ZNF493: variants seen among roughly 807,000 people sequenced by gnomAD.
ZNF493 encodes the protein zinc finger protein 493.
Under a neutral mutation model 12.2 loss-of-function variants are expected in ZNF493, and 11 were observed. That is an observed-to-expected ratio of 0.90 (90% confidence interval 0.57 to 1.50). ZNF493 has a LOEUF of 1.50. Ranked by LOEUF, ZNF493 falls within the 40% of genes most tolerant of loss-of-function variation. The probability of loss-of-function intolerance (pLI) is 0.00; values close to 1 mark genes in which losing one functional copy is unlikely to be tolerated. For synonymous variants in ZNF493, 286 were observed against 302.6 expected (o/e 0.95, Z 0.57); for missense variants, 950 against 906.6 (o/e 1.05, Z -0.61).
chr19:21,400,058 A>G (rs1464059096), intron 1 of ZNF493, among the ~76,000 whole-genome samples: 1 of 152,176 alleles, frequency 6.6e-6, no homozygotes. Flanking sequence ...AATTAATAGA[A>G]TAAGACATTT....
rs375871131 is a variant in ZNF493 at position 21,405,214 on chromosome 19, G to A, written c.116G>A (p.Arg39Lys). 1.9e-6 allele frequency: 3 copies of A among 1,613,860 alleles called. No individual in the cohort carries two copies. The highest frequency in any genetic ancestry group is 2.7e-5 in the African/African-American group (2 of 74,910). Residue 39 changes from arginine (R) to lysine (K), a missense_variant, in exon 2 of 4, where the codon AGG becomes AAG. Arg to Lys is a conservative substitution (Grantham distance 26, BLOSUM62 2). Transcript: ENST00000392288. ...CLDTAQQDLY[R>K]KVMLENYRNL... ...GACACTGCTCAGCAGGATTTGTATAGGAAAGTGATGTTAGAGAACTACAGA... is the reference window on the plus strand; with the variant it reads ...GACACTGCTCAGCAGGATTTGTATAAGAAAGTGATGTTAGAGAACTACAGA...
chr19:21,424,220 G>A lies in ZNF493; in HGVS notation c.1561G>A (p.Glu521Lys). Residue 521 changes from glutamate to lysine, a missense_variant, in exon 4 of 4, where the codon GAA (glutamate) becomes AAA (lysine). Transcript: ENST00000392288. ...HTGEKPYKCE[E>K]CGKAFKRSST... ...TGGAGAAAAACCCTACAAATGTGAA[G>A]AATGTGGCAAAGCTTTTAAACGATC... is the stretch of plus-strand genomic sequence containing the variant. 3 of 1,612,538 alleles carry A rather than the reference G, an allele frequency of 1.9e-6. No homozygotes were observed. Among genetic ancestry groups the A allele is most frequent in the Non-Finnish European group, 2.5e-6 (3 of 1,179,002 alleles).
chr19:21,405,608 A>G (rs1296438639), intron 2 of ZNF493, 153 bp from the exon 3 acceptor site: 1 of 1,106,488 alleles, frequency 9.0e-7, no homozygotes, highest in African/African-American at 1.6e-5. Context: ...AATTTAAAAT[A>G]TTTTCTAAAT....
intron 1 of ZNF493, among the ~76,000 whole-genome samples, chr19:21,402,372 A>G (rs1392226028): frequency 2.6e-5 from 4 of 152,304 alleles, no homozygotes; most frequent in South Asian, 4.1e-4. Flanking sequence ...CATTGTTCCA[A>G]GGTTATAATC....
chr19:21,421,833 T>C (rs2030687701), intron 3 of ZNF493, among the ~76,000 whole-genome samples: 1 of 152,196 alleles, frequency 6.6e-6, no homozygotes, highest in African/African-American at 2.4e-5. Flanking sequence ...GTTTATTTTT[T>C]AGTTAAAGGA....
At chr19:21,404,595 T>A (rs547311642) in intron 1 of ZNF493, among the ~76,000 whole-genome samples, 1 of 152,284 alleles carries the variant, frequency 6.6e-6, no homozygotes, top group South Asian at 2.1e-4. Context: ...AAAAATTGAG[T>A]AAAACACAGG....
chr19:21,401,133 A>G (rs2029931284), intron 1 of ZNF493, among the ~76,000 whole-genome samples: 1 of 152,186 alleles, frequency 6.6e-6, no homozygotes, highest in South Asian at 2.1e-4. Context: ...TGTACCTCCA[A>G]TGCCTAGTTT....
chr19:21,413,679 G>T, intron 3 of ZNF493: 1 of 405,212 alleles, frequency 2.5e-6, no homozygotes, highest in South Asian at 1.1e-4. Context: ...ATCAGCTGTT[G>T]ATTTTGGCCT....
At chr19:21,399,230 G>A (rs760089094) in intron 1 of ZNF493, among the ~76,000 whole-genome samples, 25 of 151,030 alleles carry the variant, frequency 1.7e-4, no homozygotes, top group Non-Finnish European at 2.9e-4. Context: ...GCCCGATCTC[G>A]GCTCGCTGAA....
intron 3 of ZNF493, among the ~76,000 whole-genome samples, chr19:21,410,635 C>T (rs141486954): frequency 2.2e-4 from 34 of 151,478 alleles, no homozygotes; most frequent in African/African-American, 7.0e-4. Flanking sequence ...TCTTAATGTG[C>T]GGAAATTTTC....
In ZNF493 at chr19:21,426,123, G is replaced by A; in HGVS notation, c.*1139G>A. The A allele has an allele frequency of 3.9e-6, 1 of 258,848 alleles. No individual in the cohort carries two copies. The highest frequency in any genetic ancestry group is 8.3e-6 in the Non-Finnish European group (1 of 120,670). 16.0% of individuals were successfully genotyped at this position (258,848 alleles called of 1,614,324 possible). On this transcript the variant is annotated 3_prime_UTR_variant, in exon 4 of 4. Transcript: ENST00000392288. ...CTCTACAAACCAGTAAGATGTGACA[G>A]TGCTTCTGACAACATCTCAAACTTT...
At chr19:21,402,524 A>G (rs1365133539) in intron 1 of ZNF493, among the ~76,000 whole-genome samples, 1 of 152,070 alleles carries the variant, frequency 6.6e-6, no homozygotes, top group Admixed American at 6.5e-5. Context: ...TTGCTGTAAC[A>G]CCCAAGAATG....
intron 1 of ZNF493, among the ~76,000 whole-genome samples, chr19:21,402,464 T>C (rs1230943686): frequency 6.6e-6 from 1 of 152,180 alleles, no homozygotes; most frequent in Non-Finnish European, 1.5e-5. Flanking sequence ...ATTAATAGAA[T>C]GGGCTAGAGG....
At position 21,425,337 on chromosome 19, in the gene ZNF493, A is replaced by G; in HGVS notation, c.*353A>G. On this transcript the variant is annotated 3_prime_UTR_variant, in exon 4 of 4. Coordinates refer to ENST00000392288, the MANE Select transcript of ZNF493 (RefSeq NM_001076678.3). ...CCTGCCTACACGTAAGATAATTCAT[A>G]CTGGAAGGAAACCCTACAAATATGA... 1 of 419,856 alleles carries G rather than the reference A, an allele frequency of 2.4e-6. No homozygotes were observed. Among genetic ancestry groups the G allele is most frequent in the Non-Finnish European group, 4.7e-6 (1 of 214,988 alleles). The allele number at this position is 419,856 out of a possible 1,614,324, so 26.0% of individuals were successfully genotyped here. A position where few individuals can be genotyped will look rare whatever the true frequency, so the allele number is the denominator to read the frequency against.
At chr19:21,422,875 T>C (rs1259803492) in intron 3 of ZNF493, 38 bp from the exon 4 acceptor site, 1 of 1,493,868 alleles carries the variant, frequency 6.7e-7, no homozygotes, top group African/African-American at 1.4e-5. Flanking sequence ...TATCTGAGTC[T>C]AGTAAGTGGA....
At position 21,405,160 on chromosome 19, in the gene ZNF493, A is replaced by C; in HGVS notation, c.62A>C (p.Glu21Ala). The C allele has an allele frequency of 6.2e-7, 1 of 1,613,970 alleles. No homozygotes were observed. The highest frequency in any genetic ancestry group is 1.1e-5 in the South Asian group (1 of 91,064). ...TTGACATTTAGGGATGTGGCCATAG[A>C]ATTCTCTCTGGAGGAGTGGCAATGC... Reference protein sequence around the residue: ...GPLTFRDVAIEFSLEEWQCLD... With the variant: ...GPLTFRDVAIAFSLEEWQCLD... The change falls in exon 2 of 4, where the codon GAA (glutamate) becomes GCA (alanine). Residue 21 changes from glutamate to alanine, a missense_variant. Glu to Ala is a moderately radical substitution (Grantham distance 107). Transcript: ENST00000392288.
rs1164416201 is a variant in ZNF493, at chr19:21,420,623, A to ATTT, written c.254-2260_254-2258dup. ...TATATATATATATATATATATATAT[A>ATTT]TTTTTTTTTTTTTTTTTTTTTTTTT... On this transcript the variant is annotated intron_variant, in intron 3 of 3. Coordinates refer to ENST00000392288, the MANE Select transcript of ZNF493 (RefSeq NM_001076678.3). 3.1e-4 allele frequency among the ~76,000 whole-genome samples: 5 copies of ATTT among 16,118 alleles called. 1 individual carries two copies. Among genetic ancestry groups the ATTT allele is most frequent in the African/African-American group, 2.2e-4 (1 of 4,458 alleles). 10.6% of individuals were successfully genotyped at this position (16,118 alleles called of 152,430 possible).
At chr19:21,413,455 ACTTT>A in intron 3 of ZNF493, 1 of 404,578 alleles carries the variant, frequency 2.5e-6, no homozygotes, top group Non-Finnish European at 4.3e-6. Flanking sequence ...TGGTTGTCCC[ACTTT>A]CTTCAGGTTT....
chr19:21,423,504 G>A lies in ZNF493; in HGVS notation c.845G>A (p.Arg282Lys), dbSNP rs2030748308. Reference sequence around the variant, plus strand: ...TTCTACCAATTCTCATACCTTACTAGGCATAAGCTAATTCATACTAGAGAG... The same window carrying A: ...TTCTACCAATTCTCATACCTTACTAAGCATAAGCTAATTCATACTAGAGAG... ...TSFYQFSYLT[R>K]HKLIHTREKP... is the part of the protein sequence containing the mutation. The change falls in exon 4 of 4, where the codon AGG becomes AAG. Residue 282 changes from arginine to lysine, a missense_variant. By Grantham distance (26) the Arg-to-Lys change is conservative. Transcript: ENST00000392288. 1 of 1,612,374 alleles carries A rather than the reference G, an allele frequency of 6.2e-7. No homozygotes were observed. The highest frequency in any genetic ancestry group is 1.7e-5 in the Admixed American group (1 of 59,876).
Sources: allele counts gnomAD v4.1 joint callset (sites outside exome capture counted in the v4.1 genomes callset), GRCh38; gene constraint gnomAD v4.1.1; transcripts MANE v1.5; gene names NCBI Gene and HGNC (gene_info 2026-07-23, HGNC 2026-07-21).